UST: variants seen among roughly 807,000 people sequenced by gnomAD.
The protein encoded by UST is uronyl 2-sulfotransferase, also known as chondroitin sulfate 2-O-sulfotransferase.
In UST, 21 loss-of-function variants were observed where a neutral mutation model predicts 45.6. The observed-to-expected ratio is 0.46, with a 90% CI of 0.33 to 0.66. The LOEUF is 0.66. Among genes scored for constraint, UST ranks in the 30% least tolerant of loss-of-function variants. The pLI, the probability that UST is intolerant of heterozygous loss-of-function variation, is 0.02. For missense variants in UST, 463 were observed against 512.4 expected, an observed-to-expected ratio of 0.90 and a Z score of 0.93; for synonymous variants, 215 against 200.6, an observed-to-expected ratio of 1.07 and a Z score of -0.61.
intron 1 of UST, among the ~76,000 whole-genome samples, chr6:148,825,267 G>A (rs1474285026): frequency 1.3e-5 from 2 of 152,196 alleles, no homozygotes; most frequent in Non-Finnish European, 2.9e-5. Context: ...CTGTTATTTC[G>A]GTTGGAGGCT....
chr6:148,806,523 A>T (rs1309040587), intron 1 of UST, among the ~76,000 whole-genome samples: 2 of 150,836 alleles, frequency 1.3e-5, no homozygotes, highest in Non-Finnish European at 3.0e-5. Flanking sequence ...TTTAGTAGAG[A>T]TGGGGTTTCA....
intron 5 of UST, among the ~76,000 whole-genome samples, chr6:148,966,022 G>A (rs906217859): frequency 2.0e-5 from 3 of 151,794 alleles, no homozygotes; most frequent in South Asian, 4.2e-4. Flanking sequence ...CCAGGAGATC[G>A]AGACCAGCCT....
intron 1 of UST, 68 bp downstream of exon 1, chr6:148,747,745 C>T (rs1184512807): frequency 2.7e-6 from 4 of 1,469,584 alleles, no homozygotes; most frequent in Non-Finnish European, 3.6e-6. Context: ...GAGAGGGTCG[C>T]GGCGGGGACT....
At chr6:149,019,720 A>G (rs549635943) in intron 6 of UST, among the ~76,000 whole-genome samples, 13 of 152,334 alleles carry the variant, frequency 8.5e-5, no homozygotes, top group African/African-American at 3.1e-4. Flanking sequence ...TATACTTAGT[A>G]GGCAGAGAAG....
intron 7 of UST, among the ~76,000 whole-genome samples, chr6:149,042,815 T>A (rs1249773771): frequency 6.6e-6 from 1 of 152,220 alleles, no homozygotes; most frequent in Non-Finnish European, 1.5e-5. Context: ...AGATGGGGTC[T>A]CATTGTGTTG....
intron 4 of UST, among the ~76,000 whole-genome samples, chr6:148,957,023 C>T (rs73778972): frequency 8.1e-4 from 124 of 152,208 alleles, no homozygotes; most frequent in African/African-American, 2.8e-3. Flanking sequence ...CCCAGCACAG[C>T]GACCAGCAGA....
chr6:149,059,832 C>T lies in UST; in HGVS notation c.938-14001C>T, dbSNP rs1253401175. ...AAGCCCCAGGCAATAACCTAGAAGC[C>T]CGTCCAACAGCTGCCCTCATCTCCA... On this transcript the variant is annotated intron_variant, in intron 7 of 7. Transcript: ENST00000367463. 2.0e-5 allele frequency among the ~76,000 whole-genome samples: 3 copies of T among 152,108 alleles called. No homozygotes were observed. The East Asian group carries it at 5.8e-4, about 29-fold the overall frequency.
At chr6:148,992,464 G>A (rs948840785) in intron 5 of UST, among the ~76,000 whole-genome samples, 42 of 152,252 alleles carry the variant, frequency 2.8e-4, no homozygotes, top group South Asian at 1.5e-3. Context: ...GTGAGATTAC[G>A]TCTCAAAACA....
intron 5 of UST, among the ~76,000 whole-genome samples, chr6:148,983,026 G>A (rs1162286803): frequency 6.6e-6 from 1 of 152,158 alleles, no homozygotes; most frequent in Non-Finnish European, 1.5e-5. Flanking sequence ...AGCACAGTCT[G>A]TATTTAATTT....
intron 1 of UST, among the ~76,000 whole-genome samples, chr6:148,857,848 G>A (rs1206159768): frequency 6.6e-6 from 1 of 151,336 alleles, no homozygotes; most frequent in Non-Finnish European, 1.5e-5. Flanking sequence ...TTTTCTGTCT[G>A]ATCCAGGTCT....
rs61560066 is a variant in UST at position 148,813,385 on chromosome 6, A to ATTT, written c.247+65720_247+65722dup. On this transcript the variant is annotated intron_variant, in intron 1 of 7. Transcript: ENST00000367463. ...CACCAATAGTTCCTATAACAGAATA[A>ATTT]TTTTTTTTTTTTTTGAGACAGAGTC... Among the ~76,000 whole-genome samples the ATTT allele has an allele frequency of 5.4e-5, 8 of 146,974 alleles. No individual in the cohort carries two copies. The South Asian group carries it at 6.5e-4, about 12-fold the overall frequency.
chr6:148,983,293 T>A (rs983841929), intron 5 of UST, among the ~76,000 whole-genome samples: 1 of 152,196 alleles, frequency 6.6e-6, no homozygotes, highest in Non-Finnish European at 1.5e-5. Flanking sequence ...GGAGTCTTAC[T>A]GGGTAGGCCC....
chr6:148,946,932 G>A (rs578241421), intron 3 of UST, among the ~76,000 whole-genome samples: 13 of 147,916 alleles, frequency 8.8e-5, no homozygotes, highest in East Asian at 7.9e-4. Flanking sequence ...ATTAATGTGC[G>A]TATTAAACCC....
rs1256475505 is a variant in UST, at chr6:148,934,559, C to T, written c.292-6720C>T. On this transcript the variant is annotated intron_variant, in intron 2 of 7. Transcript: ENST00000367463. This position sits in a 1 kb window ranked among gnomAD's most constrained non-coding sequence, Gnocchi z 4.1. ...TTATGACTGGTAAATGTGAGTGGAG[C>T]TCATCAACACACAATGAGACCCCAG... Among the ~76,000 whole-genome samples, 2 of 152,146 alleles carry T rather than the reference C, an allele frequency of 1.3e-5. No individual in the cohort carries two copies. The highest frequency in any genetic ancestry group is 2.9e-5 in the Non-Finnish European group (2 of 68,036).
intron 5 of UST, among the ~76,000 whole-genome samples, chr6:148,998,817 T>G (rs543562223): frequency 1.3e-5 from 2 of 152,382 alleles, no homozygotes; most frequent in African/African-American, 2.4e-5. Context: ...GCTGCTGCCA[T>G]GTATGTGCTG....
chr6:148,949,224 G>T (rs775960008), intron 3 of UST, among the ~76,000 whole-genome samples: 17 of 151,610 alleles, frequency 1.1e-4, no homozygotes, highest in Non-Finnish European at 2.4e-4. Flanking sequence ...CTGGGAGGGG[G>T]AGGTTGCAGT....
intron 2 of UST, among the ~76,000 whole-genome samples, chr6:148,895,234 A>G (rs1779103598): frequency 6.6e-6 from 1 of 152,032 alleles, no homozygotes; most frequent in African/African-American, 2.4e-5. Context: ...ATTAGCCCCA[A>G]CATTCTCTCC....
intron 1 of UST, among the ~76,000 whole-genome samples, chr6:148,859,670 A>G (rs1222848994): frequency 1.3e-5 from 2 of 152,164 alleles, no homozygotes; most frequent in African/African-American, 2.4e-5. Flanking sequence ...TAATTTTTGT[A>G]TAAGGTGTAA....
At chr6:149,027,887 A>G (rs1776073370) in intron 7 of UST, 1 of 147,066 alleles carries the variant, frequency 6.8e-6, no homozygotes, top group South Asian at 2.1e-4. Context: ...TTTGTTGTCC[A>G]GGCTGGAATG....
Sources: gnomAD v4.1 joint callset for allele counts (sites outside exome capture counted in the v4.1 genomes callset) on GRCh38, gnomAD v4.1.1 for gene constraint, Gnocchi (gnomAD v3.1) non-coding constraint, MANE v1.5 for transcripts, NCBI Gene and HGNC (gene_info 2026-07-23, HGNC 2026-07-21) for gene names.